Variants in ASCC3 observed in about 807,000 individuals in gnomAD.
The protein encoded by ASCC3 is ASC-1 complex subunit P200.
Under a neutral mutation model 256.3 loss-of-function variants are expected in ASCC3, and 158 were observed. The observed-to-expected ratio is 0.62, with a 90% CI of 0.54 to 0.70. The LOEUF (loss-of-function observed/expected upper bound fraction) is 0.70. ASCC3 is among the 30% of genes least tolerant of loss of function. The probability of loss-of-function intolerance (pLI) is 0.00; values close to 1 mark genes in which losing one functional copy is unlikely to be tolerated. For synonymous variants in ASCC3, 948 were observed against 883.4 expected, an observed-to-expected ratio of 1.07 and a Z score of -1.30; for missense variants, 2,259 against 2,626.0, an observed-to-expected ratio of 0.86 and a Z score of 3.05.
At chr6:100,584,148 C>T (rs1457373088) in intron 36 of ASCC3, among the ~76,000 whole-genome samples, 1 of 150,898 alleles carries the variant, frequency 6.6e-6, no homozygotes, top group Non-Finnish European at 1.5e-5. Flanking sequence ...TCCTTGTTGA[C>T]TTTCTGTCTC....
chr6:100,509,320 T>A lies in ASCC3; in HGVS notation c.*66A>T. ...TCAAGGCAAACATCAAGTAATTCGATTTGTCTAGATGACTGAACAGAGAGA... is the reference window on the plus strand; with the variant it reads ...TCAAGGCAAACATCAAGTAATTCGAATTGTCTAGATGACTGAACAGAGAGA... On this transcript the variant is annotated 3_prime_UTR_variant, in exon 42 of 42. Transcript: ENST00000369162. The A allele has an allele frequency of 6.3e-7, 1 of 1,593,406 alleles. No homozygotes were observed. Among genetic ancestry groups the A allele is most frequent in the South Asian group, 1.1e-5 (1 of 90,452 alleles).
chr6:100,774,165 T>C (rs1384222590), intron 8 of ASCC3, among the ~76,000 whole-genome samples: 2 of 152,186 alleles, frequency 1.3e-5, no homozygotes, highest in Admixed American at 1.3e-4. Flanking sequence ...TGGGTTTTGC[T>C]GATGATTTCT....
chr6:100,848,242 T>C lies in ASCC3; in HGVS notation c.707A>G (p.Lys236Arg). Residue 236 changes from lysine (K) to arginine (R), a missense_variant, in exon 4 of 42, where the codon AAG becomes AGG. By Grantham distance (26) the Lys-to-Arg change is conservative. Around this residue, in one of 2 missense-constraint regions of ASCC3, gnomAD observed 420 missense variants for 419.3 expected, o/e 1.00. Coordinates refer to ENST00000369162, the MANE Select transcript of ASCC3 (RefSeq NM_006828.4). ...TACTCTTGGCACTTCAGTCATTTCCTTCAAAGTTGAATTTAGGTACTTTTC... is the reference window on the plus strand; with the variant it reads ...TACTCTTGGCACTTCAGTCATTTCCCTCAAAGTTGAATTTAGGTACTTTTC... Reference protein sequence around the residue: ...EVEKYLNSTLKEMTEVPRVED... With the variant: ...EVEKYLNSTLREMTEVPRVED... The C allele has an allele frequency of 1.2e-6, 2 of 1,614,102 alleles. No individual in the cohort carries two copies. Among genetic ancestry groups the C allele is most frequent in the Non-Finnish European group, 1.7e-6 (2 of 1,180,002 alleles).
At chr6:100,627,510 G>T (rs1774300472) in intron 29 of ASCC3, 80 bp downstream of exon 29, 1 of 1,579,688 alleles carries the variant, frequency 6.3e-7, no homozygotes. Flanking sequence ...TCCTTTCAAA[G>T]AAACCAACAC....
intron 8 of ASCC3, among the ~76,000 whole-genome samples, chr6:100,788,623 A>G (rs967809079): frequency 6.6e-6 from 1 of 151,652 alleles, no homozygotes; most frequent in Non-Finnish European, 1.5e-5. Context: ...TCAGCCATGA[A>G]AAAAAAAACA....
chr6:100,550,009 G>A (rs964171317), intron 36 of ASCC3, among the ~76,000 whole-genome samples: 5 of 151,996 alleles, frequency 3.3e-5, no homozygotes, highest in Admixed American at 2.0e-4. Context: ...TCAGGGATGA[G>A]AAGAATGATG....
intron 3 of ASCC3, among the ~76,000 whole-genome samples, chr6:100,860,847 G>T (rs533625218): frequency 6.6e-6 from 1 of 152,182 alleles, no homozygotes; most frequent in Non-Finnish European, 1.5e-5. Flanking sequence ...CATAAAGGTT[G>T]CATGTGATTC....
At chr6:100,681,464 C>G (rs1777298804) in intron 13 of ASCC3, among the ~76,000 whole-genome samples, 1 of 151,950 alleles carries the variant, frequency 6.6e-6, no homozygotes, top group South Asian at 2.1e-4. Context: ...CGTGGTGGCT[C>G]ACACCTGTAA....
At position 100,723,715 on chromosome 6, in the gene ASCC3, G is replaced by A. The variant is rs185038097; in HGVS notation, c.1902+1824C>T. On this transcript the variant is annotated intron_variant, in intron 11 of 41. Transcript: ENST00000369162. ...CTATGACTCCCAGGGTTTTGGCTTC[G>A]GAATCAAGTAGATTATGATATCGTA... is the stretch of plus-strand genomic sequence containing the variant. 1.3e-3 allele frequency among the ~76,000 whole-genome samples: 196 copies of A among 150,570 alleles called. 1 individual carries two copies. The highest frequency in any genetic ancestry group is 4.0e-3 in the African/African-American group (163 of 41,190).
chr6:100,816,970 C>T (rs776465814), intron 4 of ASCC3, among the ~76,000 whole-genome samples: 22 of 151,050 alleles, frequency 1.5e-4, no homozygotes, highest in Admixed American at 2.6e-4. Context: ...GATTGAGCAA[C>T]GCTATAAACC....
intron 26 of ASCC3, 35 bp downstream of exon 26, chr6:100,631,093 C>A: frequency 6.8e-7 from 1 of 1,469,494 alleles, no homozygotes; most frequent in South Asian, 1.2e-5. Context: ...TTAGTCAATT[C>A]AAAGCGTATC....
At chr6:100,607,594 T>C (rs1225605488) in intron 30 of ASCC3, among the ~76,000 whole-genome samples, 1 of 152,040 alleles carries the variant, frequency 6.6e-6, no homozygotes, top group Non-Finnish European at 1.5e-5. Flanking sequence ...CTAAGCCTGT[T>C]TCTTTAACTG....
At chr6:100,796,228 T>C (rs930500133) in intron 8 of ASCC3, among the ~76,000 whole-genome samples, 1 of 152,176 alleles carries the variant, frequency 6.6e-6, no homozygotes, top group African/African-American at 2.4e-5. Flanking sequence ...AACTAGACTA[T>C]ATCGAATTGC....
intron 4 of ASCC3, among the ~76,000 whole-genome samples, chr6:100,839,710 G>A (rs1429319866): frequency 6.6e-6 from 1 of 152,144 alleles, no homozygotes; most frequent in East Asian, 1.9e-4. Context: ...AGGTTTGACT[G>A]AGCTGAGATC....
chr6:100,760,344 A>G (rs1781366896), intron 10 of ASCC3, among the ~76,000 whole-genome samples: 1 of 152,130 alleles, frequency 6.6e-6, no homozygotes, highest in Admixed American at 6.5e-5. Flanking sequence ...TAGTTTATTG[A>G]GAGTTTTTAA....
chr6:100,558,798 G>A (rs1312911903), intron 36 of ASCC3, among the ~76,000 whole-genome samples: 1 of 152,078 alleles, frequency 6.6e-6, no homozygotes, highest in Non-Finnish European at 1.5e-5. Flanking sequence ...TCTTAGACTT[G>A]CTTGCTTTCA....
chr6:100,530,432 A>T, intron 37 of ASCC3: 1 of 850,076 alleles, frequency 1.2e-6, no homozygotes, highest in Non-Finnish European at 2.1e-6. Flanking sequence ...AACTTTATAT[A>T]TGAGAGAGTG....
At chr6:100,642,535 C>T in intron 24 of ASCC3, 46 bp downstream of exon 24, 1 of 1,599,314 alleles carries the variant, frequency 6.3e-7, no homozygotes, top group Non-Finnish European at 8.6e-7. Flanking sequence ...ATTAAAACAA[C>T]CATTTTGGAA....
chr6:100,827,369 A>AT (rs1771368699), intron 4 of ASCC3, among the ~76,000 whole-genome samples: 2 of 151,996 alleles, frequency 1.3e-5, no homozygotes, highest in African/African-American at 4.8e-5. Flanking sequence ...GAAACCATTT[A>AT]TTTTTTCATT....
Sources: allele counts gnomAD v4.1 joint callset (sites outside exome capture counted in the v4.1 genomes callset), GRCh38; gene constraint gnomAD v4.1.1; regional missense constraint gnomAD v4.1.1; transcripts MANE v1.5; gene names NCBI Gene and HGNC (gene_info 2026-07-23, HGNC 2026-07-21).